POP1: variants seen among roughly 807,000 people sequenced by gnomAD.
The protein encoded by POP1 is POP1 ribonuclease P/MRP subunit.
POP1 carries 75 observed loss-of-function variants against 102.2 expected under a neutral mutation model. That is an observed-to-expected ratio of 0.73 (90% CI 0.61 to 0.89). POP1 has a LOEUF of 0.89. Among genes scored for constraint, POP1 ranks in the 40% least tolerant of loss-of-function variants. The probability of loss-of-function intolerance (pLI) is 0.00; values close to 1 mark genes in which losing one functional copy is unlikely to be tolerated. For synonymous variants in POP1, 436 were observed against 464.1 expected (o/e 0.94, Z 0.78); for missense variants, 1,116 against 1,267.4 (o/e 0.88, Z 1.81).
At position 98,158,500 on chromosome 8, in the gene POP1, A is replaced by C; in HGVS notation, c.*229A>C. ...TAATACTTTTAAATTATTTGGCCAA[A>C]AGCTTTGTATTATGATCTCTTGGTC... On this transcript the variant is annotated 3_prime_UTR_variant, in exon 16 of 16. Transcript: ENST00000401707. The C allele has an allele frequency of 1.8e-6, 1 of 541,174 alleles. No individual in the cohort carries two copies. The highest frequency in any genetic ancestry group is 3.3e-6 in the Non-Finnish European group (1 of 305,874). 33.5% of individuals were successfully genotyped at this position (541,174 alleles called of 1,614,324 possible). A position where few individuals can be genotyped will look rare whatever the true frequency, so the allele number is the denominator to read the frequency against.
At position 98,157,671 on chromosome 8, in the gene POP1, T is replaced by C. The variant is rs990141205; in HGVS notation, c.2475T>C (p.Asp825=). 6 of 1,614,048 alleles carry C rather than the reference T, an allele frequency of 3.7e-6. No homozygotes were observed. The highest frequency in any genetic ancestry group is 2.7e-5 in the African/African-American group (2 of 74,912). Residue 825 remains aspartate, a synonymous_variant, in exon 16 of 16, where the codon GAT becomes GAC. Transcript: ENST00000401707. ...CCTGGTGTGGGCCCAGTTCTGAGGA[T>C]AGTCGGGGAGGCCGGCGAGCTCCCG... ...LSAWCGPSSE[D]SRGGRRAPGR...
chr8:98,123,564 G>T, intron 2 of POP1, 85 bp downstream of exon 2: 4 of 1,247,394 alleles, frequency 3.2e-6, no homozygotes, highest in Non-Finnish European at 4.5e-6. Context: ...GGTTCATGAG[G>T]TCAAGAGATC....
chr8:98,121,021 G>A (rs1178086516), intron 1 of POP1, among the ~76,000 whole-genome samples: 1 of 152,114 alleles, frequency 6.6e-6, no homozygotes, highest in Non-Finnish European at 1.5e-5. Context: ...GGCCTCAAGT[G>A]ATCCACTCGC....
chr8:98,154,821 G>C (rs1369572958), intron 14 of POP1, among the ~76,000 whole-genome samples: 2 of 152,082 alleles, frequency 1.3e-5, no homozygotes, highest in Non-Finnish European at 2.9e-5. Flanking sequence ...AAGATACACA[G>C]CCTATTAAAA....
chr8:98,153,379 G>C (rs908216315), intron 14 of POP1, among the ~76,000 whole-genome samples: 6 of 152,072 alleles, frequency 3.9e-5, no homozygotes, highest in Non-Finnish European at 7.4e-5. Context: ...CAAGGAAGAA[G>C]GGGGGGATTC....
intron 9 of POP1, among the ~76,000 whole-genome samples, chr8:98,137,458 A>G (rs552514878): frequency 6.6e-6 from 1 of 152,194 alleles, no homozygotes; most frequent in African/African-American, 2.4e-5. Flanking sequence ...GCACACCACC[A>G]GGCCCAGCTA....
intron 3 of POP1, 55 bp downstream of exon 3, chr8:98,127,817 T>A: frequency 1.3e-6 from 2 of 1,577,216 alleles, no homozygotes; most frequent in Non-Finnish European, 1.7e-6. Context: ...TCGTGTCTAG[T>A]GCAGCAACAA....
rs1809696823 is a variant in POP1, at chr8:98,157,856, A to G, written c.2660A>G (p.His887Arg). The G allele has an allele frequency of 1.1e-5, 18 of 1,614,042 alleles. No individual in the cohort carries two copies. Among genetic ancestry groups the G allele is most frequent in the Non-Finnish European group, 1.4e-5 (16 of 1,179,976 alleles). The change falls in exon 16 of 16, where the codon CAT (histidine) becomes CGT (arginine). Residue 887 changes from histidine (H) to arginine (R), a missense_variant. Coordinates refer to ENST00000401707, the MANE Select transcript of POP1 (RefSeq NM_001145860.2). ...VPAKEDFLQL[H>R]EDWHYCGPQE... ...GCCAAGGAGGACTTCCTCCAGCTCC[A>G]TGAGGACTGGCATTACTGTGGGCCC... is the stretch of plus-strand genomic sequence containing the variant.
At chr8:98,146,523 T>G in intron 11 of POP1, 45 bp from the exon 12 acceptor site, 42 of 1,379,308 alleles carry the variant, frequency 3.0e-5, no homozygotes, top group African/African-American at 5.7e-5. Flanking sequence ...TTGACTTCAT[T>G]GATCTGAAGG....
At chr8:98,137,578 G>A (rs902428686) in intron 9 of POP1, among the ~76,000 whole-genome samples, 3 of 152,100 alleles carry the variant, frequency 2.0e-5, no homozygotes, top group Non-Finnish European at 2.9e-5. Flanking sequence ...ATGAGTCACC[G>A]CACCTGGCTG....
In POP1 at chr8:98,134,560, G is replaced by T; in HGVS notation, c.912G>T (p.Met304Ile). 6.2e-7 allele frequency: 1 copy of T among 1,614,164 alleles called. No homozygotes were observed. The highest frequency in any genetic ancestry group is 8.5e-7 in the Non-Finnish European group (1 of 1,180,004). Residue 304 changes from methionine to isoleucine, a missense_variant, in exon 7 of 16, where the codon ATG becomes ATT. Physicochemically the swap from Met to Ile is conservative, Grantham distance 10 (BLOSUM62 1). Coordinates refer to ENST00000401707, the MANE Select transcript of POP1 (RefSeq NM_001145860.2). The stretch of plus-strand genomic sequence containing the variant: ...GGGTGAATAAATATCCCAGAGAAAT[G>T]CTTGGGCCTGTTACGTTTATCTGGA... Reference protein sequence around the residue: ...LYRVNKYPREMLGPVTFIWKS... With the variant: ...LYRVNKYPREILGPVTFIWKS...
intron 4 of POP1, 97 bp downstream of exon 4, chr8:98,128,637 G>A (rs1816284630): frequency 7.2e-7 from 1 of 1,384,970 alleles, no homozygotes; most frequent in Non-Finnish European, 1.0e-6. Flanking sequence ...TGAAAACCAA[G>A]GCTGGGCATG....
Position 98,128,350 on chromosome 8 carries a change from C to T in POP1, c.311-15C>T, listed in dbSNP as rs781626796. ...CAAGATTGGTGTTTAATGACTTTGT[C>T]ATCTCCTTCAACAGCTTCTACTTTT... On this transcript the variant is annotated splice_polypyrimidine_tract_variant and intron_variant, in intron 3 of 15. Coordinates refer to ENST00000401707, the MANE Select transcript of POP1 (RefSeq NM_001145860.2). 1 of 1,613,110 alleles carries T rather than the reference C, an allele frequency of 6.2e-7. No homozygotes were observed. Among genetic ancestry groups the T allele is most frequent in the Non-Finnish European group, 8.5e-7 (1 of 1,179,582 alleles).
intron 1 of POP1, among the ~76,000 whole-genome samples, chr8:98,117,602 T>C (rs924908649): frequency 6.6e-6 from 1 of 152,150 alleles, no homozygotes; most frequent in Non-Finnish European, 1.5e-5. Context: ...GTCATTTCCC[T>C]TCATTGCCCC....
rs1005354443 is a variant in POP1 at position 98,125,604 on chromosome 8, G to A, written c.143-1991G>A. 3.3e-5 allele frequency among the ~76,000 whole-genome samples: 5 copies of A among 151,798 alleles called. No homozygotes were observed. The East Asian group carries it at 7.7e-4, about 23-fold the overall frequency. ...TGCCTGGGCTGGAGTGCAGTGGTGC[G>A]ATCTTGGCCCACTGCAACCTCTGCC... On this transcript the variant is annotated intron_variant, in intron 2 of 15. Transcript: ENST00000401707.
In POP1 at chr8:98,159,693, A is replaced by G. The variant is rs1422926662; in HGVS notation, c.*1422A>G. ...GCAGGTGGTACAGTAGTCAGGAAGT[A>G]CCTGCCACCAATGAGATGTCTGATG... is the stretch of plus-strand genomic sequence containing the variant. On this transcript the variant is annotated 3_prime_UTR_variant, in exon 16 of 16. Coordinates refer to ENST00000401707, the MANE Select transcript of POP1 (RefSeq NM_001145860.2). The G allele has an allele frequency of 6.6e-6, 1 of 151,954 alleles. No homozygotes were observed. Among genetic ancestry groups the G allele is most frequent in the Non-Finnish European group, 1.5e-5 (1 of 68,002 alleles). 9.4% of individuals were successfully genotyped at this position (151,954 alleles called of 1,614,324 possible).
chr8:98,123,577 G>T, intron 2 of POP1, 98 bp downstream of exon 2: 1 of 1,074,768 alleles, frequency 9.3e-7, no homozygotes, highest in South Asian at 1.3e-5. Context: ...AAGAGATCAA[G>T]ACCATCCTGG....
chr8:98,153,533 C>CTTTTTTTTTTTT lies in POP1; in HGVS notation c.2058-2505_2058-2494dup, dbSNP rs747984872. 6.3e-4 allele frequency among the ~76,000 whole-genome samples: 54 copies of CTTTTTTTTTTTT among 85,494 alleles called. 6 individuals are homozygous for CTTTTTTTTTTTT. The highest frequency in any genetic ancestry group is 1.2e-3 in the African/African-American group (25 of 20,924). The allele number at this position is 85,494 out of a possible 152,430, so 56.1% of individuals were successfully genotyped here. A position where few individuals can be genotyped will look rare whatever the true frequency, so the allele number is the denominator to read the frequency against. ...ACTAGATTTACAAACAGTTCTGACT[C>CTTTTTTTTTTTT]TTTTTTTTTTTTTTTTTTTTTTTGA... On this transcript the variant is annotated intron_variant, in intron 14 of 15. Transcript: ENST00000401707.
Position 98,146,179 on chromosome 8 carries a change from C to G in POP1, c.1595-389C>G, listed in dbSNP as rs538421006. 8.5e-5 allele frequency among the ~76,000 whole-genome samples: 13 copies of G among 152,288 alleles called. No homozygotes were observed. In the East Asian group the frequency reaches 2.1e-3, roughly 25 times the overall value. ...CTCCTGGGCTTAAGTCACCCTCCCCCCTTAGCCTCCCAAGTGGCTAGAATT... is the reference window on the plus strand; with the variant it reads ...CTCCTGGGCTTAAGTCACCCTCCCCGCTTAGCCTCCCAAGTGGCTAGAATT... On this transcript the variant is annotated intron_variant, in intron 11 of 15. Coordinates refer to ENST00000401707, the MANE Select transcript of POP1 (RefSeq NM_001145860.2).
Sources: gnomAD v4.1 joint callset for allele counts (sites outside exome capture counted in the v4.1 genomes callset) on GRCh38, gnomAD v4.1.1 for gene constraint, MANE v1.5 for transcripts, NCBI Gene and HGNC (gene_info 2026-07-23, HGNC 2026-07-21) for gene names.